ABHD2: variants seen among roughly 807,000 people sequenced by gnomAD.
ABHD2 encodes the protein monoacylglycerol lipase ABHD2.
Under a neutral mutation model 48.1 loss-of-function variants are expected in ABHD2, and 20 were observed. That is an observed-to-expected ratio of 0.42 (90% confidence interval 0.29 to 0.60). ABHD2 has a LOEUF of 0.60. Among genes scored for constraint, ABHD2 ranks in the 20% least tolerant of loss-of-function variants. The pLI is 0.24. For synonymous variants in ABHD2, 209 were observed against 214.2 expected (o/e 0.98, Z 0.21); for missense variants, 405 against 550.9 (o/e 0.74, Z 2.65).
At position 89,173,108 on chromosome 15, in the gene ABHD2, T is replaced by C. The variant is rs2050955827; in HGVS notation, c.539-2704T>C. Reference sequence around the variant, plus strand: ...CCAAGGGAGGTGAACAAATGTCTCCTTTGGGATTTCTAAATTTTTTATTTG... The same window carrying C: ...CCAAGGGAGGTGAACAAATGTCTCCCTTGGGATTTCTAAATTTTTTATTTG... On this transcript the variant is annotated intron_variant, in intron 5 of 10. Coordinates refer to ENST00000352732, the MANE Select transcript of ABHD2 (RefSeq NM_152924.5). The surrounding 1 kb of genome is among the most constrained non-coding windows in gnomAD (Gnocchi z 6.5). Among the ~76,000 whole-genome samples the C allele has an allele frequency of 2.0e-5, 3 of 152,374 alleles. No homozygotes were observed. Among genetic ancestry groups the C allele is most frequent in the Middle Eastern group, 6.8e-3 (2 of 294 alleles).
In ABHD2 at chr15:89,191,267, G is replaced by A. The variant is rs868435427; in HGVS notation, c.996+118G>A. 113 of 937,848 alleles carry A rather than the reference G, an allele frequency of 1.2e-4. 1 individual carries two copies. In the Middle Eastern group the frequency reaches 1.5e-3, roughly 13 times the overall value. 58.1% of individuals were successfully genotyped at this position (937,848 alleles called of 1,614,324 possible). A position where few individuals can be genotyped will look rare whatever the true frequency, so the allele number is the denominator to read the frequency against. ...GCTCAGCTGGAATCTGGCTCCAACC[G>A]CTCTTTTAGCTTGGATTTGTTTATT... is the stretch of plus-strand genomic sequence containing the variant. On this transcript the variant is annotated intron_variant, in intron 9 of 10. Transcript: ENST00000352732.
intron 3 of ABHD2, among the ~76,000 whole-genome samples, chr15:89,123,593 C>CTTTTTTTTTTTTTTTTT (rs138910210): frequency 1.7e-3 from 164 of 96,656 alleles, no homozygotes; most frequent in East Asian, 4.0e-3. Flanking sequence ...TTCTTTCTTT[C>CTTTTTTTTTTTTTTTTT]TTTTTTTTTT....
chr15:89,148,995 T>C (rs4932476), intron 3 of ABHD2, among the ~76,000 whole-genome samples: 58,903 of 152,016 alleles, frequency 0.39, 12,147 homozygotes, highest in East Asian at 0.79. Flanking sequence ...GGATAAGTTA[T>C]ATAAACAAAC....
rs1236502923 is a variant in ABHD2, at chr15:89,179,908, G to A, written c.722+3913G>A. ...TTGAGCAAGGCCTTCCTGCCATGGG[G>A]AAGAGGCAGGTACCACTTTTCCTGC... is the stretch of plus-strand genomic sequence containing the variant. On this transcript the variant is annotated intron_variant, in intron 6 of 10. Coordinates refer to ENST00000352732, the MANE Select transcript of ABHD2 (RefSeq NM_152924.5). This position sits in a 1 kb window ranked among gnomAD's most constrained non-coding sequence, Gnocchi z 4.3. Among the ~76,000 whole-genome samples, 2 of 152,234 alleles carry A rather than the reference G, an allele frequency of 1.3e-5. No individual in the cohort carries two copies. Among genetic ancestry groups the A allele is most frequent in the East Asian group, 1.9e-4 (1 of 5,202 alleles).
At chr15:89,127,706 C>CATAT (rs71464446) in intron 3 of ABHD2, among the ~76,000 whole-genome samples, 1,718 of 129,784 alleles carry the variant, frequency 0.013, 37 homozygotes, top group African/African-American at 0.022. Context: ...TATATATATA[C>CATAT]ATATATATAT....
chr15:89,142,928 C>T (rs564421113), intron 3 of ABHD2, among the ~76,000 whole-genome samples: 1 of 152,166 alleles, frequency 6.6e-6, no homozygotes, highest in South Asian at 2.1e-4. Flanking sequence ...CAGAGTTAGG[C>T]TAACATTAAA....
chr15:89,162,358 T>A (rs989052505), intron 5 of ABHD2, among the ~76,000 whole-genome samples: 5 of 152,226 alleles, frequency 3.3e-5, no homozygotes, highest in Admixed American at 2.0e-4. Flanking sequence ...CTGATAGGTC[T>A]CTTATGCCAC....
At chr15:89,115,610 A>G (rs2049947172) in intron 2 of ABHD2, among the ~76,000 whole-genome samples, 1 of 152,294 alleles carries the variant, frequency 6.6e-6, no homozygotes, top group African/African-American at 2.4e-5. Context: ...GCAGGGGGAA[A>G]AAACAAAACA....
Position 89,195,530 on chromosome 15 carries a change from C to A in ABHD2, c.*107C>A. 1 of 1,255,848 alleles carries A rather than the reference C, an allele frequency of 8.0e-7. No individual in the cohort carries two copies. Among genetic ancestry groups the A allele is most frequent in the Non-Finnish European group, 1.1e-6 (1 of 926,154 alleles). 77.8% of individuals were successfully genotyped at this position (1,255,848 alleles called of 1,614,324 possible). On this transcript the variant is annotated 3_prime_UTR_variant, in exon 11 of 11. Coordinates refer to ENST00000352732, the MANE Select transcript of ABHD2 (RefSeq NM_152924.5). The surrounding 1 kb of genome is among the most constrained non-coding windows in gnomAD (Gnocchi z 5.1). ...CCTCAGTGACCTGGATCTGACCTCA[C>A]ACCATCAGCAGGGGGCACCCACCAT...
intron 1 of ABHD2, among the ~76,000 whole-genome samples, chr15:89,105,297 T>G (rs1456688915): frequency 6.6e-6 from 1 of 152,248 alleles, no homozygotes; most frequent in African/African-American, 2.4e-5. Context: ...CATTTTTAGT[T>G]TGGTAACTTT....
Position 89,202,070 on chromosome 15 carries a change from A to G in ABHD2, c.*6647A>G, listed in dbSNP as rs2051471375. The G allele has an allele frequency of 3.3e-6, 1 of 307,562 alleles. No homozygotes were observed. Among genetic ancestry groups the G allele is most frequent in the Admixed American group, 4.8e-5 (1 of 20,712 alleles). The allele number at this position is 307,562 out of a possible 1,614,324, so 19.1% of individuals were successfully genotyped here. A position where few individuals can be genotyped will look rare whatever the true frequency, so the allele number is the denominator to read the frequency against. ...ACTATATTTTTGAGTTTGTGTTCTG[A>G]AAGCCTCCGTGCTGCTGGATCTTTG... On this transcript the variant is annotated 3_prime_UTR_variant, in exon 11 of 11. Coordinates refer to ENST00000352732, the MANE Select transcript of ABHD2 (RefSeq NM_152924.5).
the ABHD2 span, among the ~76,000 whole-genome samples, chr15:89,081,222 A>G: frequency 1.8e-5 from 2 of 113,110 alleles, no homozygotes; most frequent in East Asian, 5.1e-4. Flanking sequence ...ATCTCACTGT[A>G]TTGCCCAGGC....
chr15:89,201,801 A>T lies in ABHD2; in HGVS notation c.*6378A>T, dbSNP rs2051468260. 1.4e-6 allele frequency: 2 copies of T among 1,379,950 alleles called. No homozygotes were observed. Among genetic ancestry groups the T allele is most frequent in the Non-Finnish European group, 1.0e-6 (1 of 972,670 alleles). The allele number at this position is 1,379,950 out of a possible 1,614,324, so 85.5% of individuals were successfully genotyped here. A position where few individuals can be genotyped will look rare whatever the true frequency, so the allele number is the denominator to read the frequency against. On this transcript the variant is annotated 3_prime_UTR_variant, in exon 11 of 11. Transcript: ENST00000352732. ...CGCCGTGGCCCCGGAGGCAGACGCC[A>T]TTGGAGAGACAGCGCAGAGCAGGGG...
rs1270264887 is a variant in ABHD2 at position 89,120,988 on chromosome 15, A to G, written c.194+4467A>G. 6.6e-6 allele frequency: 1 copy of G among 152,244 alleles called. No homozygotes were observed. The highest frequency in any genetic ancestry group is 1.5e-5 in the Non-Finnish European group (1 of 68,054). The allele number at this position is 152,244 out of a possible 1,614,324, so 9.4% of individuals were successfully genotyped here. On this transcript the variant is annotated intron_variant, in intron 3 of 10. Coordinates refer to ENST00000352732, the MANE Select transcript of ABHD2 (RefSeq NM_152924.5). This position sits in a 1 kb window ranked among gnomAD's most constrained non-coding sequence, Gnocchi z 4.2. Reference sequence around the variant, plus strand: ...TTTAGTAACCTGCTTTCACCAAACCATGATGAACGTTGCCATGAACATTCA... The same window carrying G: ...TTTAGTAACCTGCTTTCACCAAACCGTGATGAACGTTGCCATGAACATTCA...
At chr15:89,064,505 G>A in the ABHD2 span, among the ~76,000 whole-genome samples, 26,616 of 152,066 alleles carry the variant, frequency 0.18, 2,522 homozygotes, top group Middle Eastern at 0.19. Flanking sequence ...TGGGATTACA[G>A]GAGTGAGCTA....
chr15:89,105,428 C>T (rs1019011224), intron 1 of ABHD2, among the ~76,000 whole-genome samples: 3 of 152,218 alleles, frequency 2.0e-5, no homozygotes, highest in Non-Finnish European at 4.4e-5. Flanking sequence ...GAAATTCCAG[C>T]AGATTGAGTG....
intron 3 of ABHD2, among the ~76,000 whole-genome samples, chr15:89,130,466 G>GATA (rs1182489383): frequency 1.3e-5 from 2 of 152,208 alleles, no homozygotes; most frequent in East Asian, 3.9e-4. Context: ...GTCCAAGGGA[G>GATA]ATAATACAGT....
At chr15:89,079,264 G>C in the ABHD2 span, among the ~76,000 whole-genome samples, 1 of 152,102 alleles carries the variant, frequency 6.6e-6, no homozygotes, top group Non-Finnish European at 1.5e-5. This position sits in a 1 kb window ranked among gnomAD's most constrained non-coding sequence, Gnocchi z 4.3. Flanking sequence ...AATCAAAGCC[G>C]CATAGGAAAG....
chr15:89,071,466 A>G, the ABHD2 span, among the ~76,000 whole-genome samples: 31,767 of 152,134 alleles, frequency 0.21, 4,216 homozygotes, highest in African/African-American at 0.36. Context: ...GCTTACATAC[A>G]GGGGAGAGTC....
Sources: allele counts gnomAD v4.1 joint callset (sites outside exome capture counted in the v4.1 genomes callset), GRCh38; gene constraint gnomAD v4.1.1; non-coding constraint Gnocchi (gnomAD v3.1); transcripts MANE v1.5; gene names NCBI Gene and HGNC (gene_info 2026-07-23, HGNC 2026-07-21).